PRSS23: variants seen among roughly 807,000 people sequenced by gnomAD.
PRSS23 encodes the protein protease, serine 23.
Under a neutral mutation model 34.7 loss-of-function variants are expected in PRSS23, and 25 were observed. The observed-to-expected ratio is 0.72, with a 90% confidence interval of 0.53 to 1.01. The LOEUF (loss-of-function observed/expected upper bound fraction) is 1.01, where lower values mean the gene tolerates loss of function less well. Ranked by LOEUF, PRSS23 falls within the 50% of genes least tolerant of loss-of-function variation. The probability of loss-of-function intolerance (pLI) is 0.00; values close to 1 mark genes in which losing one functional copy is unlikely to be tolerated. For missense variants in PRSS23, 445 were observed against 475.6 expected (o/e 0.94, Z 0.60); for synonymous variants, 176 against 186.6 (o/e 0.94, Z 0.46).
chr11:86,887,925 G>A (rs1452272389), intron 2 of PRSS23, among the ~76,000 whole-genome samples: 3 of 151,850 alleles, frequency 2.0e-5, no homozygotes, highest in East Asian at 1.9e-4. Context: ...GGTGGCGGGC[G>A]CCTGTAATCC....
intron 2 of PRSS23, among the ~76,000 whole-genome samples, chr11:86,916,978 C>T (rs1381623065): frequency 6.6e-6 from 1 of 152,198 alleles, no homozygotes; most frequent in African/African-American, 2.4e-5. Context: ...AATAAAATGA[C>T]AAAGTTGTTT....
intron 2 of PRSS23, among the ~76,000 whole-genome samples, chr11:86,945,269 A>G (rs538483998): frequency 2.6e-5 from 4 of 152,232 alleles, no homozygotes; most frequent in East Asian, 3.9e-4. Context: ...TAAGAGGCCA[A>G]AAGTTCTAGC....
At chr11:86,862,743 CT>C (rs1370791312) in intron 2 of PRSS23, among the ~76,000 whole-genome samples, 1 of 151,678 alleles carries the variant, frequency 6.6e-6, no homozygotes, top group Non-Finnish European at 1.5e-5. Flanking sequence ...CTTTTATATT[CT>C]TCCTAATATC....
chr11:86,944,261 G>T (rs150799619), intron 2 of PRSS23, among the ~76,000 whole-genome samples: 2,021 of 151,086 alleles, frequency 0.013, 18 homozygotes, highest in Non-Finnish European at 0.019. Context: ...AAATTTCCCA[G>T]TTTTTATAAG....
At chr11:86,873,910 T>A (rs976520882) in intron 2 of PRSS23, among the ~76,000 whole-genome samples, 14 of 152,198 alleles carry the variant, frequency 9.2e-5, no homozygotes, top group African/African-American at 3.4e-4. Flanking sequence ...ATTTAGTTAC[T>A]CAGACTTTCA....
chr11:86,939,399 A>T (rs1205292123), intron 2 of PRSS23, among the ~76,000 whole-genome samples: 9 of 49,572 alleles, frequency 1.8e-4, no homozygotes, highest in African/African-American at 4.8e-4. Context: ...CAGTTAAAAA[A>T]AAAAATATAT....
downstream of PRSS23, among the ~76,000 whole-genome samples, chr11:86,811,397 C>G (rs995520326): frequency 1.3e-5 from 2 of 152,026 alleles, no homozygotes; most frequent in African/African-American, 4.8e-5. Context: ...GACCCTATAA[C>G]CAGGATTTGG....
intron 2 of PRSS23, among the ~76,000 whole-genome samples, chr11:86,828,436 G>T (rs536919401): frequency 1.3e-5 from 2 of 152,130 alleles, no homozygotes; most frequent in African/African-American, 4.8e-5. Context: ...GGTGGGTCTT[G>T]ACTCTTTATC....
At chr11:86,813,962 G>A (rs1256635310), downstream of PRSS23, among the ~76,000 whole-genome samples, 1 of 152,174 alleles carries the variant, frequency 6.6e-6, no homozygotes, top group East Asian at 1.9e-4. Flanking sequence ...TTTGAAAGTA[G>A]AGCCAACATG....
intron 2 of PRSS23, among the ~76,000 whole-genome samples, chr11:86,930,915 A>T (rs1462334794): frequency 6.6e-6 from 1 of 152,208 alleles, no homozygotes; most frequent in Non-Finnish European, 1.5e-5. Flanking sequence ...ACAGAAAAAC[A>T]GCGGGCAGGA....
At chr11:86,874,660 A>G (rs572341290) in intron 2 of PRSS23, among the ~76,000 whole-genome samples, 1 of 152,232 alleles carries the variant, frequency 6.6e-6, no homozygotes, top group African/African-American at 2.4e-5. Flanking sequence ...ACAGTTACCT[A>G]TTGACTTATA....
At position 86,808,405 on chromosome 11, in the gene PRSS23, G is replaced by A; in HGVS notation, c.762G>A (p.Lys254=). The change falls in exon 2 of 2, where the codon AAG becomes AAA. Residue 254 remains lysine, a synonymous_variant. Transcript: ENST00000280258. The stretch of plus-strand genomic sequence containing the variant: ...ATTATGCCCTCCTGGAACTCAAAAA[G>A]CCCCACAAGAGAAAATTTATGAAGA... ...DYDYALLELK[K]PHKRKFMKIG... 1 of 1,614,176 alleles carries A rather than the reference G, an allele frequency of 6.2e-7. No homozygotes were observed. Among genetic ancestry groups the A allele is most frequent in the African/African-American group, 1.3e-5 (1 of 75,046 alleles).
chr11:86,870,740 C>G (rs1948679475), intron 2 of PRSS23, among the ~76,000 whole-genome samples: 2 of 152,098 alleles, frequency 1.3e-5, no homozygotes, highest in Non-Finnish European at 1.5e-5. Context: ...GATTTGTCTT[C>G]AAGTTTATTA....
intron 2 of PRSS23, among the ~76,000 whole-genome samples, chr11:86,907,302 A>T (rs894987799): frequency 1.3e-5 from 2 of 152,216 alleles, no homozygotes; most frequent in African/African-American, 4.8e-5. Flanking sequence ...AACCTGGCAC[A>T]TTCTAAGTGT....
Position 86,846,993 on chromosome 11 carries a change from C to T in PRSS23, c.206+23400C>T, listed in dbSNP as rs544643964. 4.5e-4 allele frequency among the ~76,000 whole-genome samples: 68 copies of T among 152,338 alleles called. 1 individual carries two copies. In the South Asian group the frequency reaches 7.2e-3, roughly 16 times the overall value. Reference sequence around the variant, plus strand: ...TTCCTTGGGGCCTATCAAGTACAATCTATGGTGCATGGGTACAGCTCTTAG... The same window carrying T: ...TTCCTTGGGGCCTATCAAGTACAATTTATGGTGCATGGGTACAGCTCTTAG... On this transcript the variant is annotated intron_variant, in intron 2 of 2. Coordinates refer to the PRSS23 transcript ENST00000533902.
At chr11:86,891,645 C>T (rs1422638895) in intron 2 of PRSS23, among the ~76,000 whole-genome samples, 4 of 152,158 alleles carry the variant, frequency 2.6e-5, no homozygotes, top group Non-Finnish European at 4.4e-5. Context: ...CCAAACATTT[C>T]GCACTACGTC....
intron 2 of PRSS23, among the ~76,000 whole-genome samples, chr11:86,889,140 T>TC (rs1177233685): frequency 6.6e-6 from 1 of 152,148 alleles, no homozygotes; most frequent in Non-Finnish European, 1.5e-5. Context: ...CTTTGATGAG[T>TC]CCTTTGGTTA....
chr11:86,862,912 G>A (rs1315810177), intron 2 of PRSS23, among the ~76,000 whole-genome samples: 1 of 151,862 alleles, frequency 6.6e-6, no homozygotes, highest in East Asian at 1.9e-4. Context: ...GTCACAGAAG[G>A]TGTACACCCA....
In PRSS23 at chr11:86,951,607, A is replaced by G. The variant is rs1323429763; in HGVS notation, c.*322A>G. 3 of 1,614,062 alleles carry G rather than the reference A, an allele frequency of 1.9e-6. No individual in the cohort carries two copies. In the African/African-American group the frequency reaches 4.0e-5, roughly 22 times the overall value. The stretch of plus-strand genomic sequence containing the variant: ...CCACGAACCCGGTGAGGGCATCGAG[A>G]TTTTGGTTTCCAACATAGCACAAGC... On this transcript the variant is annotated 3_prime_UTR_variant, in exon 3 of 3. Coordinates refer to the PRSS23 transcript ENST00000533902.
Sources: allele counts gnomAD v4.1 joint callset (sites outside exome capture counted in the v4.1 genomes callset), GRCh38; gene constraint gnomAD v4.1.1; transcripts MANE v1.5; gene names NCBI Gene and HGNC (gene_info 2026-07-23, HGNC 2026-07-21).